NUP98: variants seen among roughly 807,000 people sequenced by gnomAD.
NUP98 encodes nucleoporin 98 and 96 precursor, also known as nuclear pore complex protein Nup98-Nup96.
NUP98 carries 26 observed loss-of-function variants against 191.9 expected under a neutral mutation model. The observed-to-expected ratio is 0.14, with a 90% CI of 0.10 to 0.19. The LOEUF is 0.19. NUP98 is among the 10% of genes least tolerant of loss of function. NUP98 has a pLI of 1.00. For missense variants in NUP98, 1,941 were observed against 2,178.8 expected (o/e 0.89, Z 2.17); for synonymous variants, 808 against 778.4 (o/e 1.04, Z -0.63).
chr11:3,724,440 A>C, intron 15 of NUP98, among the ~76,000 whole-genome samples: 1 of 134,708 alleles, frequency 7.4e-6, no homozygotes, highest in Non-Finnish European at 1.6e-5. Context: ...CCATCTCAAA[A>C]AAAAAAAATA....
Position 3,729,981 on chromosome 11 carries a change from C to T in NUP98, c.1730+1410G>A, listed in dbSNP as rs541834858. Among the ~76,000 whole-genome samples, 63 of 152,170 alleles carry T rather than the reference C, an allele frequency of 4.1e-4. 3 individuals are homozygous for T. The South Asian group carries it at 0.012, about 30-fold the overall frequency. ...ACAAGGCGGGGCACAGTGGCTCACA[C>T]CAGTAATCCCAGCACTTTGGGAGTC... is the stretch of plus-strand genomic sequence containing the variant. On this transcript the variant is annotated intron_variant, in intron 14 of 32. Coordinates refer to ENST00000324932, the MANE Select transcript of NUP98 (RefSeq NM_016320.5).
At chr11:3,743,830 G>A (rs1441069325) in intron 12 of NUP98, among the ~76,000 whole-genome samples, 1 of 151,540 alleles carries the variant, frequency 6.6e-6, no homozygotes, top group Non-Finnish European at 1.5e-5. Context: ...GAGGTGGGCG[G>A]ATCACGAGGT....
chr11:3,751,853 T>C (rs2080770610), intron 11 of NUP98, among the ~76,000 whole-genome samples: 1 of 151,812 alleles, frequency 6.6e-6, no homozygotes, highest in Non-Finnish European at 1.5e-5. Flanking sequence ...AGCAAGAACC[T>C]GTCTCAAAAT....
At chr11:3,679,122 C>CAAA (rs36063275) in intron 31 of NUP98, among the ~76,000 whole-genome samples, 45 of 97,246 alleles carry the variant, frequency 4.6e-4, no homozygotes, top group Middle Eastern at 5.4e-3. Flanking sequence ...GACTCTGTTC[C>CAAA]AAAAAAAAAA....
rs2078746234 is a variant in NUP98 at position 3,702,684 on chromosome 11, T to C, written c.3291A>G (p.Gln1097=). The change falls in exon 23 of 33, where the codon CAA becomes CAG. Residue 1097 remains glutamine, a synonymous_variant. Coordinates refer to ENST00000324932, the MANE Select transcript of NUP98 (RefSeq NM_016320.5). ...ACTTTTCACGAGGGACTAGGCCTAG[T>C]TGCCTACGTGTACCCACTGTTTTCA... The part of the protein sequence containing the change: ...VPLKTVGTRR[Q]LGLVPREKSV... The C allele has an allele frequency of 6.2e-7, 1 of 1,614,196 alleles. No individual in the cohort carries two copies. Among genetic ancestry groups the C allele is most frequent in the Non-Finnish European group, 8.5e-7 (1 of 1,180,032 alleles).
intron 18 of NUP98, 127 bp downstream of exon 18, chr11:3,719,285 G>A: frequency 1.6e-6 from 1 of 624,710 alleles, no homozygotes; most frequent in African/African-American, 1.9e-5. Flanking sequence ...AATCAAAGTA[G>A]AGACAATAAA....
At chr11:3,792,915 T>C (rs1325182719) in intron 1 of NUP98, among the ~76,000 whole-genome samples, 2 of 151,588 alleles carry the variant, frequency 1.3e-5, no homozygotes, top group Non-Finnish European at 2.9e-5. Context: ...GGCCAGGAGT[T>C]CAAACCCAAC....
intron 19 of NUP98, among the ~76,000 whole-genome samples, chr11:3,713,432 A>C (rs2079079937): frequency 6.6e-6 from 1 of 152,178 alleles, no homozygotes; most frequent in Non-Finnish European, 1.5e-5. Flanking sequence ...AATAAAGAGA[A>C]TTTGGCTGGG....
intron 22 of NUP98, among the ~76,000 whole-genome samples, 181 bp downstream of exon 22, chr11:3,705,019 A>C (rs190515086): frequency 3.0e-4 from 45 of 152,218 alleles, no homozygotes; most frequent in African/African-American, 1.1e-3. Context: ...AAAAACAAAA[A>C]ACCTGGCTAC....
chr11:3,743,199 A>G (rs2080350600), intron 12 of NUP98, among the ~76,000 whole-genome samples: 2 of 151,032 alleles, frequency 1.3e-5, no homozygotes, highest in South Asian at 2.1e-4. Flanking sequence ...TTGCATTTTT[A>G]ATAGAGATGG....
chr11:3,747,547 T>C (rs900353329), intron 11 of NUP98, among the ~76,000 whole-genome samples: 2 of 152,184 alleles, frequency 1.3e-5, no homozygotes, highest in African/African-American at 2.4e-5. Flanking sequence ...TCTCAACACA[T>C]GGGGCGGGAG....
chr11:3,695,636 T>C (rs1288857755), intron 25 of NUP98, 30 bp from the exon 26 acceptor site: 3 of 1,481,750 alleles, frequency 2.0e-6, no homozygotes, highest in African/African-American at 1.4e-5. Context: ...TTTTTGGTTA[T>C]TACTAAGGGT....
chr11:3,727,421 T>C (rs1267064308), intron 14 of NUP98, among the ~76,000 whole-genome samples: 3 of 152,108 alleles, frequency 2.0e-5, no homozygotes, highest in East Asian at 1.9e-4. Flanking sequence ...AGCAAGAAAG[T>C]TACCAAGCAC....
chr11:3,695,667 T>C, intron 25 of NUP98, 61 bp from the exon 26 acceptor site: 1 of 1,170,416 alleles, frequency 8.5e-7, no homozygotes, highest in Non-Finnish European at 1.1e-6. Flanking sequence ...CGTCAAACAC[T>C]TGGGGGCATT....
intron 21 of NUP98, among the ~76,000 whole-genome samples, chr11:3,705,566 G>A (rs756106296): frequency 2.6e-5 from 4 of 152,134 alleles, no homozygotes; most frequent in Non-Finnish European, 2.9e-5. Flanking sequence ...TATCTATAGC[G>A]TCTCACCAGA....
intron 3 of NUP98, 22 bp from the exon 4 acceptor site, chr11:3,779,071 G>C (rs767432152): frequency 3.7e-6 from 6 of 1,613,512 alleles, no homozygotes; most frequent in Non-Finnish European, 5.1e-6. Flanking sequence ...GAGAAGGAGG[G>C]AAAAAGTTAA....
Position 3,797,509 on chromosome 11 carries a change from G to A in NUP98, c.-138C>T. 2.2e-6 allele frequency: 1 copy of A among 444,590 alleles called. No homozygotes were observed. Among genetic ancestry groups the A allele is most frequent in the East Asian group, 3.5e-5 (1 of 28,170 alleles). The allele number at this position is 444,590 out of a possible 1,614,324, so 27.5% of individuals were successfully genotyped here. ...CGTCGCCGCCGCCGCTACCACCCCT[G>A]CCACCGACCGCCGCTTCGGGCGCAG... On this transcript the variant is annotated 5_prime_UTR_variant, in exon 1 of 33. Coordinates refer to ENST00000324932, the MANE Select transcript of NUP98 (RefSeq NM_016320.5).
chr11:3,765,771 A>T (rs1285383784), intron 8 of NUP98, among the ~76,000 whole-genome samples: 1 of 150,358 alleles, frequency 6.7e-6, no homozygotes, highest in Non-Finnish European at 1.5e-5. Flanking sequence ...ACTGCACTCC[A>T]GCCTGGGCAA....
intron 8 of NUP98, among the ~76,000 whole-genome samples, chr11:3,765,805 A>G (rs276897): frequency 0.18 from 26,898 of 150,556 alleles, 2,268 homozygotes; most frequent in East Asian, 0.25. Flanking sequence ...CTGTCTCAAA[A>G]AAAAAAAAAA....
Sources: allele counts gnomAD v4.1 joint callset (sites outside exome capture counted in the v4.1 genomes callset), GRCh38; gene constraint gnomAD v4.1.1; transcripts MANE v1.5; gene names NCBI Gene and HGNC (gene_info 2026-07-23, HGNC 2026-07-21).